Variants in CGGBP1 observed in about 807,000 individuals in gnomAD.
CGGBP1 encodes the protein CGG triplet repeat-binding protein 1.
CGGBP1 carries 4 observed loss-of-function variants against 11.4 expected under a neutral mutation model. The observed-to-expected ratio is 0.35, with a 90% confidence interval of 0.17 to 0.80. CGGBP1 has a LOEUF of 0.80. Among genes scored for constraint, CGGBP1 ranks in the 30% least tolerant of loss-of-function variants. The probability of loss-of-function intolerance (pLI) is 0.52; values close to 1 mark genes in which losing one functional copy is unlikely to be tolerated. For missense variants in CGGBP1, 135 were observed against 202.1 expected, an observed-to-expected ratio of 0.67 and a Z score of 2.01; for synonymous variants, 76 against 74.1, an observed-to-expected ratio of 1.03 and a Z score of -0.13.
chr3:88,061,882 C>T (rs1655948069), upstream of CGGBP1, among the ~76,000 whole-genome samples: 3 of 152,110 alleles, frequency 2.0e-5, no homozygotes, highest in Admixed American at 6.6e-5. Flanking sequence ...TAACTAAGTA[C>T]ATGAATTATA....
intron 1 of CGGBP1, among the ~76,000 whole-genome samples, chr3:88,058,607 C>A (rs981766426): frequency 2.0e-5 from 3 of 152,234 alleles, no homozygotes; most frequent in Admixed American, 2.0e-4. Flanking sequence ...GGGAACTCGA[C>A]AGCCGACTTG....
rs141029889 is a variant in CGGBP1 at position 88,144,975 on chromosome 3, A to G, written c.-337-3897T>C. ...GTGATATAGTACGTTCTGCAAACTT[A>G]GTAGGTGTCGGAACTCTCCGAAGTC... On this transcript the variant is annotated intron_variant, in intron 1 of 3. Coordinates refer to the CGGBP1 transcript ENST00000462901. Among the ~76,000 whole-genome samples, 40 of 152,192 alleles carry G rather than the reference A, an allele frequency of 2.6e-4. 1 individual carries two copies. Among genetic ancestry groups the G allele is most frequent in the African/African-American group, 9.4e-4 (39 of 41,574 alleles).
rs757944337 is a variant in CGGBP1 at position 88,055,701 on chromosome 3, G to A, written c.276C>T (p.Cys92=). The A allele has an allele frequency of 6.2e-7, 1 of 1,614,182 alleles. No homozygotes were observed. The highest frequency in any genetic ancestry group is 8.5e-7 in the Non-Finnish European group (1 of 1,180,046). ...CTTTCTCTGTTTGCGCAGTACTGTT[G>A]CACTGAAGAGATGCAGTTAGGGGCC... is the stretch of plus-strand genomic sequence containing the variant. ...KQRPLTASLQ[C]NSTAQTEKVS... is the part of the protein sequence containing the mutation. Residue 92 remains cysteine, a synonymous_variant, in exon 4 of 4, where the codon TGC becomes TGT. Coordinates refer to ENST00000482016, the MANE Select transcript of CGGBP1 (RefSeq NM_001008390.2). This position sits in a 1 kb window ranked among gnomAD's most constrained non-coding sequence, Gnocchi z 4.2.
intron 2 of CGGBP1, among the ~76,000 whole-genome samples, chr3:88,066,575 C>A (rs74477383): frequency 1.8e-4 from 27 of 147,074 alleles, no homozygotes; most frequent in African/African-American, 3.5e-4. Context: ...AACAAACAAA[C>A]AAACAAAAAA....
At chr3:88,071,787 A>G (rs1053005194) in intron 2 of CGGBP1, among the ~76,000 whole-genome samples, 2 of 152,114 alleles carry the variant, frequency 1.3e-5, no homozygotes, top group African/African-American at 4.8e-5. Context: ...CTGGGCGACA[A>G]GAGTGAGACT....
At chr3:88,130,035 A>C (rs1706354111) in intron 2 of CGGBP1, among the ~76,000 whole-genome samples, 1 of 152,346 alleles carries the variant, frequency 6.6e-6, no homozygotes, top group South Asian at 2.1e-4. Context: ...TAAATGTTTA[A>C]GGGATGTGCT....
intron 2 of CGGBP1, among the ~76,000 whole-genome samples, chr3:88,105,587 A>G (rs1704686227): frequency 6.6e-6 from 1 of 152,168 alleles, no homozygotes; most frequent in Admixed American, 6.5e-5. Context: ...GTTGCTAAAT[A>G]TGCCCAGTGT....
At chr3:88,059,154 G>C, upstream of CGGBP1, 1 of 1,317,412 alleles carries the variant, frequency 7.6e-7, no homozygotes, top group Non-Finnish European at 1.0e-6. Context: ...ATAAAAACTG[G>C]GGGCGTGGGT....
chr3:88,074,296 G>T (rs1707675801), intron 2 of CGGBP1, among the ~76,000 whole-genome samples: 1 of 150,976 alleles, frequency 6.6e-6, no homozygotes, highest in Admixed American at 6.6e-5. Context: ...GCTTCTTTTA[G>T]CCCTCTAAAG....
chr3:88,121,330 A>G (rs1705757684), intron 2 of CGGBP1, among the ~76,000 whole-genome samples: 1 of 152,250 alleles, frequency 6.6e-6, no homozygotes, highest in South Asian at 2.1e-4. Flanking sequence ...AAAATTCTTA[A>G]GTTTTTTAAT....
At chr3:88,116,815 T>TGTA (rs1333359847) in intron 2 of CGGBP1, among the ~76,000 whole-genome samples, 1 of 152,154 alleles carries the variant, frequency 6.6e-6, no homozygotes, top group Admixed American at 6.5e-5. Flanking sequence ...TAAATTAAAC[T>TGTA]GTAGTACATG....
intron 1 of CGGBP1, among the ~76,000 whole-genome samples, chr3:88,058,524 A>T (rs1172612467): frequency 6.6e-6 from 1 of 152,116 alleles, no homozygotes; most frequent in African/African-American, 2.4e-5. Context: ...CGCCAAGCCC[A>T]GCACGCCGGC....
At chr3:88,085,679 G>T (rs6790629) in intron 2 of CGGBP1, among the ~76,000 whole-genome samples, 119,190 of 152,142 alleles carry the variant, frequency 0.78, 47,610 homozygotes, top group South Asian at 0.91. Context: ...AATGCATTGA[G>T]AAGGAAGATG....
intron 2 of CGGBP1, among the ~76,000 whole-genome samples, chr3:88,119,695 CA>C (rs975540707): frequency 5.3e-5 from 8 of 152,086 alleles, no homozygotes; most frequent in Admixed American, 4.6e-4. Context: ...AACCTGTGCT[CA>C]AAAAATCTTG....
chr3:88,119,700 A>T (rs1432884222), intron 2 of CGGBP1, among the ~76,000 whole-genome samples: 6 of 152,158 alleles, frequency 3.9e-5, no homozygotes, highest in African/African-American at 1.4e-4. Flanking sequence ...GTGCTCAAAA[A>T]ATCTTGCATG....
At chr3:88,078,908 AT>A (rs1163618029) in intron 2 of CGGBP1, among the ~76,000 whole-genome samples, 211 of 151,634 alleles carry the variant, frequency 1.4e-3, no homozygotes, top group African/African-American at 4.8e-3. Flanking sequence ...TTCTCTGTGA[AT>A]TTTTTTTTGT....
chr3:88,131,481 A>T (rs1706460380), intron 2 of CGGBP1, among the ~76,000 whole-genome samples: 1 of 152,162 alleles, frequency 6.6e-6, no homozygotes, highest in Non-Finnish European at 1.5e-5. Context: ...CTTTCATTGT[A>T]ATATACTCAT....
chr3:88,145,664 G>A (rs115602023), intron 1 of CGGBP1, among the ~76,000 whole-genome samples: 1,799 of 152,174 alleles, frequency 0.012, 34 homozygotes, highest in African/African-American at 0.041. Context: ...TGATAAAACA[G>A]GGACAGATGT....
chr3:88,113,846 T>C (rs1705237788), intron 2 of CGGBP1, among the ~76,000 whole-genome samples: 1 of 152,110 alleles, frequency 6.6e-6, no homozygotes, highest in South Asian at 2.1e-4. Flanking sequence ...AACCATGGTG[T>C]TAAAGGCTTA....
Sources: allele counts gnomAD v4.1 joint callset (sites outside exome capture counted in the v4.1 genomes callset), GRCh38; gene constraint gnomAD v4.1.1; non-coding constraint Gnocchi (gnomAD v3.1); transcripts MANE v1.5; gene names NCBI Gene and HGNC (gene_info 2026-07-23, HGNC 2026-07-21).